Variants in SIPA1L1 observed in about 807,000 individuals in gnomAD.
SIPA1L1 encodes signal induced proliferation associated 1 like 1, also known as signal-induced proliferation-associated 1-like protein 1.
Under a neutral mutation model 162.7 loss-of-function variants are expected in SIPA1L1, and 26 were observed. The ratio of observed to expected loss-of-function variants is 0.16; its 90% CI spans 0.12 to 0.22. SIPA1L1 has a LOEUF of 0.22. Among genes scored for constraint, SIPA1L1 ranks in the 10% least tolerant of loss-of-function variants. SIPA1L1 has a pLI of 1.00. For missense variants in SIPA1L1, 1,874 were observed against 2,241.0 expected (o/e 0.84, Z 3.31); for synonymous variants, 829 against 837.4 (o/e 0.99, Z 0.17).
At chr14:71,374,985 C>G (rs919182040) in intron 2 of SIPA1L1, among the ~76,000 whole-genome samples, 1 of 152,136 alleles carries the variant, frequency 6.6e-6, no homozygotes, top group African/African-American at 2.4e-5. Flanking sequence ...AACTGTTTCT[C>G]CAATAGAGAC....
At chr14:71,390,834 C>T (rs1404051945) in intron 2 of SIPA1L1, among the ~76,000 whole-genome samples, 1 of 152,010 alleles carries the variant, frequency 6.6e-6, no homozygotes, top group African/African-American at 2.4e-5. Context: ...AATCTGCTTG[C>T]GTGTCCCTTC....
intron 2 of SIPA1L1, among the ~76,000 whole-genome samples, chr14:71,429,670 G>A (rs376299984): frequency 1.3e-5 from 2 of 152,176 alleles, no homozygotes; most frequent in East Asian, 3.9e-4. Context: ...AGACACTCTC[G>A]AATTGCTTTA....
chr14:71,443,042 G>A (rs1272024647), intron 2 of SIPA1L1, among the ~76,000 whole-genome samples: 4 of 152,190 alleles, frequency 2.6e-5, no homozygotes, highest in African/African-American at 9.7e-5. Flanking sequence ...CATTGAGATG[G>A]TTATTGGAAT....
intron 17 of SIPA1L1, among the ~76,000 whole-genome samples, chr14:71,712,694 T>C (rs2082964661): frequency 6.6e-6 from 1 of 152,190 alleles, no homozygotes; most frequent in Non-Finnish European, 1.5e-5. Flanking sequence ...TCCAAAATCC[T>C]CTAGACCTGC....
chr14:71,377,373 AGACGGGGTCGCG>A lies in SIPA1L1; in HGVS notation c.-465+56194_-465+56205del, dbSNP rs1475965210. ...CGGGCGGAGGCACTCCTCAGTTCCC[AGACGGGGTCGCG>A]GCCGGGCAGAGGCACTCCTCACCTC... On this transcript the variant is annotated intron_variant, in intron 2 of 23. Transcript: ENST00000381232. The surrounding 1 kb of genome is among the most constrained non-coding windows in gnomAD (Gnocchi z 4.8). 2.0e-5 allele frequency among the ~76,000 whole-genome samples: 3 copies of A among 150,236 alleles called. No homozygotes were observed. The highest frequency in any genetic ancestry group is 7.4e-5 in the African/African-American group (3 of 40,650).
At chr14:71,542,444 GCTT>G (rs1427455975) in intron 4 of SIPA1L1, among the ~76,000 whole-genome samples, 2 of 148,312 alleles carry the variant, frequency 1.3e-5, no homozygotes, top group African/African-American at 2.5e-5. Context: ...TGCTGCTTCT[GCTT>G]CTTCTTCCTG....
chr14:71,664,968 C>T (rs1343781044), intron 10 of SIPA1L1, among the ~76,000 whole-genome samples: 1 of 152,010 alleles, frequency 6.6e-6, no homozygotes, highest in East Asian at 1.9e-4. Context: ...GGACAGAAGC[C>T]TAGAAATGGG....
At chr14:71,563,694 C>T (rs1222903034) in intron 4 of SIPA1L1, among the ~76,000 whole-genome samples, 1 of 152,226 alleles carries the variant, frequency 6.6e-6, no homozygotes, top group Non-Finnish European at 1.5e-5. Context: ...TCTGCTATAG[C>T]ACACACTATC....
intron 2 of SIPA1L1, among the ~76,000 whole-genome samples, chr14:71,444,448 G>A (rs1325822844): frequency 1.3e-5 from 2 of 152,144 alleles, no homozygotes; most frequent in African/African-American, 4.8e-5. Flanking sequence ...TCAGAAGAAG[G>A]TAAAAAGTTC....
chr14:71,516,302 C>G (rs983647627), intron 3 of SIPA1L1, among the ~76,000 whole-genome samples: 4 of 152,182 alleles, frequency 2.6e-5, no homozygotes, highest in African/African-American at 4.8e-5. Context: ...CATATTTAAA[C>G]AAATTGATAC....
chr14:71,618,173 G>A (rs2039041617), intron 5 of SIPA1L1, among the ~76,000 whole-genome samples: 3 of 152,200 alleles, frequency 2.0e-5, no homozygotes, highest in Admixed American at 6.5e-5. Flanking sequence ...GGGATACCGT[G>A]CTATGGCCCA....
Position 71,710,650 on chromosome 14 carries a change from G to A in SIPA1L1, c.4208+986G>A, listed in dbSNP as rs1390214369. Reference sequence around the variant, plus strand: ...TGGTGAAACCCCGTCTCTACTAAAAGTACAGAAATTAGCTGGGCATGGTGG... The same window carrying A: ...TGGTGAAACCCCGTCTCTACTAAAAATACAGAAATTAGCTGGGCATGGTGG... On this transcript the variant is annotated intron_variant, in intron 17 of 23. Coordinates refer to ENST00000381232, the MANE Select transcript of SIPA1L1 (RefSeq NM_001386936.1). Among the ~76,000 whole-genome samples the A allele has an allele frequency of 3.3e-5, 5 of 151,964 alleles. No homozygotes were observed. In the East Asian group the frequency reaches 9.7e-4, roughly 29 times the overall value.
intron 2 of SIPA1L1, among the ~76,000 whole-genome samples, chr14:71,485,565 C>G (rs1017432552): frequency 7.2e-5 from 11 of 151,900 alleles, no homozygotes; most frequent in Non-Finnish European, 2.9e-5. Context: ...TCCCATCACC[C>G]CCAGATGGGA....
chr14:71,738,421 G>T, intron 23 of SIPA1L1, 96 bp downstream of exon 23: 1 of 792,528 alleles, frequency 1.3e-6, no homozygotes, highest in Non-Finnish European at 2.1e-6. Context: ...ATAAGACGTG[G>T]GTGTCTTCCC....
chr14:71,734,744 A>G (rs1284913267), intron 21 of SIPA1L1, among the ~76,000 whole-genome samples: 1 of 152,158 alleles, frequency 6.6e-6, no homozygotes, highest in African/African-American at 2.4e-5. Flanking sequence ...CTTCATATAC[A>G]AATGGTAGAA....
chr14:71,517,578 C>T (rs2051868288), intron 3 of SIPA1L1, among the ~76,000 whole-genome samples: 2 of 152,166 alleles, frequency 1.3e-5, no homozygotes, highest in South Asian at 4.1e-4. Flanking sequence ...ATATGCCGTA[C>T]CATCTGCCTA....
chr14:71,418,990 G>T (rs1390784760), intron 2 of SIPA1L1, among the ~76,000 whole-genome samples: 3 of 152,186 alleles, frequency 2.0e-5, no homozygotes, highest in South Asian at 4.1e-4. Context: ...ATGGGCCAAG[G>T]TCTTCAGTGA....
chr14:71,738,215 C>G, intron 22 of SIPA1L1, 26 bp from the exon 23 acceptor site: 9 of 1,234,992 alleles, frequency 7.3e-6, no homozygotes, highest in Non-Finnish European at 1.0e-5. Context: ...CCCCTGCCAA[C>G]ATGGTCTTTT....
intron 2 of SIPA1L1, among the ~76,000 whole-genome samples, chr14:71,499,200 A>G (rs2050009799): frequency 6.6e-6 from 1 of 152,180 alleles, no homozygotes; most frequent in South Asian, 2.1e-4. Context: ...GATTATAAAA[A>G]TAGAAAAGGA....
Sources: gnomAD v4.1 joint callset for allele counts (sites outside exome capture counted in the v4.1 genomes callset) on GRCh38, gnomAD v4.1.1 for gene constraint, Gnocchi (gnomAD v3.1) non-coding constraint, MANE v1.5 for transcripts, NCBI Gene and HGNC (gene_info 2026-07-23, HGNC 2026-07-21) for gene names.